PLEKHG4B: variants seen among roughly 807,000 people sequenced by gnomAD.
PLEKHG4B encodes pleckstrin homology and RhoGEF domain containing G4B.
Under a neutral mutation model 121.3 loss-of-function variants are expected in PLEKHG4B, and 111 were observed. The observed-to-expected ratio is 0.92, with a 90% CI of 0.78 to 1.07. The LOEUF is 1.07. Among genes scored for constraint, PLEKHG4B ranks in the 50% least tolerant of loss-of-function variants. The probability of loss-of-function intolerance (pLI) is 0.00; values close to 1 mark genes in which losing one functional copy is unlikely to be tolerated. For synonymous variants in PLEKHG4B, 738 were observed against 725.0 expected (o/e 1.02, Z -0.29); for missense variants, 1,831 against 1,757.8 (o/e 1.04, Z -0.74).
chr5:141,865 C>T (rs1442132928), intron 3 of PLEKHG4B, among the ~76,000 whole-genome samples: 1 of 152,102 alleles, frequency 6.6e-6, no homozygotes, highest in Non-Finnish European at 1.5e-5. Flanking sequence ...GCCCTCCTTT[C>T]CGTGGGCTCC....
intron 1 of PLEKHG4B, among the ~76,000 whole-genome samples, chr5:111,403 T>C (rs1013755673): frequency 6.6e-6 from 1 of 152,184 alleles, no homozygotes; most frequent in Non-Finnish European, 1.5e-5. Context: ...CCAGTCACCA[T>C]GGAATCAGGC....
At chr5:167,715 G>A (rs894264439) in intron 13 of PLEKHG4B, among the ~76,000 whole-genome samples, 6 of 152,230 alleles carry the variant, frequency 3.9e-5, no homozygotes, top group African/African-American at 1.4e-4. Flanking sequence ...GCCAGGCTTT[G>A]GCATTCATGC....
In PLEKHG4B at chr5:171,322, G is replaced by A. The variant is rs772299873; in HGVS notation, c.3928G>A (p.Ala1310Thr). 1.2e-5 allele frequency: 20 copies of A among 1,612,552 alleles called. No individual in the cohort carries two copies. In the South Asian group the frequency reaches 2.2e-4, roughly 18 times the overall value. ...GCTACTCCAGGACCTGCTCAAGGAG[G>A]CCAGCTGTGGCCTGGCCCAGGGGCA... is the stretch of plus-strand genomic sequence containing the variant. ...ALLLQDLLKE[A>T]SCGLAQGQEL... Residue 1310 changes from alanine to threonine, a missense_variant, in exon 16 of 20, where the codon GCC becomes ACC. By Grantham distance (58) the Ala-to-Thr change is moderately conservative. Coordinates refer to ENST00000637938, the MANE Select transcript of PLEKHG4B (RefSeq NM_052909.5).
chr5:181,928 C>A, intron 19 of PLEKHG4B, 76 bp from the exon 20 acceptor site: 1 of 1,508,378 alleles, frequency 6.6e-7, no homozygotes. Context: ...TTTCAGACGG[C>A]TCTGATCCCA....
Position 96,899 on chromosome 5 carries a change from GACTA to G in PLEKHG4B, c.45+4627_45+4630del, listed in dbSNP as rs568571116. Among the ~76,000 whole-genome samples the G allele has an allele frequency of 1.8e-4, 28 of 152,302 alleles. No homozygotes were observed. The East Asian group carries it at 5.2e-3, about 28-fold the overall frequency. On this transcript the variant is annotated intron_variant, in intron 1 of 19. Coordinates refer to ENST00000637938, the MANE Select transcript of PLEKHG4B (RefSeq NM_052909.5). The stretch of plus-strand genomic sequence containing the variant: ...TAGCACAATTTCCACAAGGTACTAG[GACTA>G]ACTTTCTGAAAAGAATTTAGCAAAG...
intron 1 of PLEKHG4B, among the ~76,000 whole-genome samples, chr5:106,307 G>T (rs760218432): frequency 6.6e-6 from 1 of 152,132 alleles, no homozygotes; most frequent in Admixed American, 6.5e-5. Flanking sequence ...AAGGCATCTG[G>T]GCAGGTTGGA....
chr5:163,940 G>A (rs760717262), intron 13 of PLEKHG4B, among the ~76,000 whole-genome samples: 11 of 152,208 alleles, frequency 7.2e-5, no homozygotes, highest in East Asian at 3.8e-4. Flanking sequence ...GTTAGAAGGC[G>A]CACCCATGCG....
At position 121,651 on chromosome 5, in the gene PLEKHG4B, G is replaced by A. The variant is rs149946164; in HGVS notation, c.243+8203G>A. 3.5e-3 allele frequency among the ~76,000 whole-genome samples: 530 copies of A among 152,250 alleles called. 6 individuals carry two copies. The highest frequency in any genetic ancestry group is 0.027 in the Middle Eastern group (8 of 294). On this transcript the variant is annotated intron_variant, in intron 2 of 19. Transcript: ENST00000637938. The stretch of plus-strand genomic sequence containing the variant: ...GCATGCATCAGGGAACAGTAAGAAT[G>A]ACCGATGACTTCCTCAGAAGCACTG...
At chr5:134,101 A>ATG (rs1734872025) in intron 2 of PLEKHG4B, among the ~76,000 whole-genome samples, 1 of 127,484 alleles carries the variant, frequency 7.8e-6, no homozygotes, top group South Asian at 2.6e-4. Flanking sequence ...ATATATATAT[A>ATG]TATATATATA....
chr5:187,245 G>A lies in PLEKHG4B; in HGVS notation c.*4922G>A, dbSNP rs1243685032. The stretch of plus-strand genomic sequence containing the variant: ...GATGTCATCCCCTTGAGGACAGCAG[G>A]GAGGCGACTCAGGAGAGGCTGATCA... On this transcript the variant is annotated 3_prime_UTR_variant, in exon 20 of 20. Coordinates refer to ENST00000637938, the MANE Select transcript of PLEKHG4B (RefSeq NM_052909.5). The A allele has an allele frequency of 6.6e-6, 1 of 152,310 alleles. No homozygotes were observed. Among genetic ancestry groups the A allele is most frequent in the Non-Finnish European group, 1.5e-5 (1 of 68,110 alleles). 9.4% of individuals were successfully genotyped at this position (152,310 alleles called of 1,614,324 possible).
At chr5:108,293 C>CA (rs1734035774) in intron 1 of PLEKHG4B, among the ~76,000 whole-genome samples, 1 of 152,202 alleles carries the variant, frequency 6.6e-6, no homozygotes, top group African/African-American at 2.4e-5. Flanking sequence ...CCCAGAGAGG[C>CA]AAGGCACACT....
At chr5:169,319 C>A in intron 13 of PLEKHG4B, 21 bp from the exon 14 acceptor site, 2 of 1,612,726 alleles carry the variant, frequency 1.2e-6, no homozygotes, top group South Asian at 1.1e-5. Context: ...GTGTGCCCCC[C>A]GGGATCTCTG....
At chr5:152,691 G>A (rs574466344) in intron 7 of PLEKHG4B, among the ~76,000 whole-genome samples, 6 of 152,112 alleles carry the variant, frequency 3.9e-5, no homozygotes, top group Non-Finnish European at 7.3e-5. Context: ...TCCTTACTCT[G>A]TCATCTCTTC....
At chr5:164,454 C>T (rs1736169647) in intron 13 of PLEKHG4B, among the ~76,000 whole-genome samples, 1 of 127,128 alleles carries the variant, frequency 7.9e-6, no homozygotes, top group Non-Finnish European at 1.6e-5. Context: ...GGGGGCGGGG[C>T]TCACAGTAAT....
chr5:154,795 C>A, intron 7 of PLEKHG4B, 80 bp from the exon 8 acceptor site: 6 of 1,103,680 alleles, frequency 5.4e-6, no homozygotes, highest in Non-Finnish European at 8.3e-6. Context: ...ATCCTCTGAA[C>A]CCAGGAATGA....
chr5:166,121 A>G (rs572970558), intron 13 of PLEKHG4B, among the ~76,000 whole-genome samples: 2 of 4,320 alleles, frequency 4.6e-4, no homozygotes. Flanking sequence ...CTCTGACGGG[A>G]CGGGGCTCAC....
At chr5:101,503 GA>G (rs1187261776) in intron 1 of PLEKHG4B, among the ~76,000 whole-genome samples, 2 of 83,122 alleles carry the variant, frequency 2.4e-5, no homozygotes, top group East Asian at 3.2e-4. Context: ...AAAGCCCTGG[GA>G]AAAGCCTGTA....
chr5:153,579 G>GA (rs1186018699), intron 7 of PLEKHG4B, among the ~76,000 whole-genome samples: 1 of 152,152 alleles, frequency 6.6e-6, no homozygotes, highest in African/African-American at 2.4e-5. Context: ...GCCGCCTTCT[G>GA]GGAATCCACT....
intron 2 of PLEKHG4B, among the ~76,000 whole-genome samples, chr5:130,825 C>T (rs1242619599): frequency 6.6e-6 from 1 of 152,212 alleles, no homozygotes; most frequent in Non-Finnish European, 1.5e-5. Flanking sequence ...CTATTCAGAA[C>T]ATGACTACAA....
Sources: gnomAD v4.1 joint callset for allele counts (sites outside exome capture counted in the v4.1 genomes callset) on GRCh38, gnomAD v4.1.1 for gene constraint, MANE v1.5 for transcripts, NCBI Gene and HGNC (gene_info 2026-07-23, HGNC 2026-07-21) for gene names.